The following TMEM150C variants were observed in gnomAD, a reference collection of about 807,000 sequenced individuals.
The protein encoded by TMEM150C is tentonin 3.
In TMEM150C, 10 loss-of-function variants were observed where a neutral mutation model predicts 29.9. The observed-to-expected ratio is 0.33, with a 90% CI of 0.21 to 0.57. The LOEUF (loss-of-function observed/expected upper bound fraction) is 0.57. TMEM150C is among the 20% of genes least tolerant of loss of function. The pLI is 0.88. For missense variants in TMEM150C, 251 were observed against 303.6 expected, an observed-to-expected ratio of 0.83 and a Z score of 1.29; for synonymous variants, 101 against 112.5, an observed-to-expected ratio of 0.90 and a Z score of 0.64.
chr4:82,492,103 C>T (rs1404983862), intron 6 of TMEM150C, among the ~76,000 whole-genome samples: 1 of 131,252 alleles, frequency 7.6e-6, no homozygotes, highest in African/African-American at 3.4e-5. Context: ...GGTGCCTGGC[C>T]TAAATAATTG....
chr4:82,492,021 T>C (rs942428921), intron 6 of TMEM150C, among the ~76,000 whole-genome samples: 1 of 149,426 alleles, frequency 6.7e-6, no homozygotes, highest in African/African-American at 2.5e-5. Flanking sequence ...CTGCAATCTC[T>C]GTTTCCTGGG....
intron 7 of TMEM150C, among the ~76,000 whole-genome samples, chr4:82,487,925 A>G (rs748334431): frequency 2.6e-5 from 4 of 151,412 alleles, no homozygotes; most frequent in Non-Finnish European, 4.4e-5. Context: ...TGAACTTTTT[A>G]TTTATATTTA....
intron 1 of TMEM150C, among the ~76,000 whole-genome samples, chr4:82,545,514 A>C (rs368340906): frequency 1.6e-4 from 25 of 152,324 alleles, no homozygotes; most frequent in East Asian, 5.8e-4. Context: ...TACCACTCCT[A>C]TTTGACATAG....
At chr4:82,504,804 GC>G (rs1723858760) in intron 1 of TMEM150C, 137 bp from the exon 2 acceptor site, 3 of 588,902 alleles carry the variant, frequency 5.1e-6, no homozygotes, top group Non-Finnish European at 9.2e-6. Context: ...GCCGAGGTGG[GC>G]GGATCACGAG....
chr4:82,539,892 T>C (rs917901769), intron 1 of TMEM150C, among the ~76,000 whole-genome samples: 2 of 152,180 alleles, frequency 1.3e-5, no homozygotes, highest in Admixed American at 6.5e-5. Flanking sequence ...TGAATAAATG[T>C]TCCTGGAAGG....
At chr4:82,488,397 T>C (rs1374661840) in intron 7 of TMEM150C, among the ~76,000 whole-genome samples, 3 of 152,234 alleles carry the variant, frequency 2.0e-5, no homozygotes, top group Non-Finnish European at 4.4e-5. Context: ...TCTCCATGAT[T>C]CACTGTTCTT....
Position 82,496,117 on chromosome 4 carries a change from A to G in TMEM150C, c.314T>C (p.Val105Ala). Residue 105 changes from valine (V) to alanine (A), a missense_variant, in exon 6 of 8, where the codon GTG (valine) becomes GCG (alanine). By Grantham distance (64) the Val-to-Ala change is moderately conservative. Coordinates refer to ENST00000449862, the MANE Select transcript of TMEM150C (RefSeq NM_001080506.3). ...TCCGAAGGAAGCCAGACACAGAGCC[A>G]CCAATCCACTAATATTCAGCCACGG... ...LNPWLNISGL[V>A]ALCLASFGMT... is the part of the protein sequence containing the mutation. The G allele has an allele frequency of 6.2e-7, 1 of 1,614,004 alleles. No individual in the cohort carries two copies. Among genetic ancestry groups the G allele is most frequent in the African/African-American group, 1.3e-5 (1 of 75,058 alleles).
In TMEM150C at chr4:82,490,120, C is replaced by T. The variant is rs372712909; in HGVS notation, c.482G>A (p.Arg161Gln). 1,574 of 1,613,994 alleles carry T rather than the reference C, an allele frequency of 9.8e-4. 27 individuals are homozygous for T. In the South Asian group the frequency reaches 0.016, roughly 17 times the overall value. ...AATAACCCGTGGAATTCCAACTCTCCGTCCTTCATTCTTGATGTTGACCTT... is the reference window on the plus strand; with the variant it reads ...AATAACCCGTGGAATTCCAACTCTCTGTCCTTCATTCTTGATGTTGACCTT... ...TLKVNIKNEG[R>Q]RVGIPRVILS... Residue 161 changes from arginine to glutamine, a missense_variant, in exon 7 of 8, where the codon CGG becomes CAG. Coordinates refer to ENST00000449862, the MANE Select transcript of TMEM150C (RefSeq NM_001080506.3).
At chr4:82,561,000 A>G (rs147614611) in intron 1 of TMEM150C, among the ~76,000 whole-genome samples, 3 of 152,324 alleles carry the variant, frequency 2.0e-5, no homozygotes, top group Non-Finnish European at 4.4e-5. Flanking sequence ...TCCTGGCCCA[A>G]CCGTGAAAGG....
chr4:82,491,025 G>A (rs1723326102), intron 6 of TMEM150C: 2 of 736,826 alleles, frequency 2.7e-6, no homozygotes, highest in Non-Finnish European at 2.5e-6. Context: ...GACAACAGTG[G>A]TGCAGGTCTT....
chr4:82,522,207 T>G (rs904145076), intron 1 of TMEM150C, among the ~76,000 whole-genome samples: 1 of 152,198 alleles, frequency 6.6e-6, no homozygotes, highest in Non-Finnish European at 1.5e-5. Context: ...TTGGGAGTCC[T>G]CTGGTCTGAA....
At chr4:82,544,742 A>C (rs1372294391) in intron 1 of TMEM150C, among the ~76,000 whole-genome samples, 1 of 143,556 alleles carries the variant, frequency 7.0e-6, no homozygotes, top group African/African-American at 2.8e-5. Flanking sequence ...TTGCACCACT[A>C]TATTCCAGCC....
intron 1 of TMEM150C, among the ~76,000 whole-genome samples, chr4:82,531,388 A>T (rs1367140497): frequency 1.3e-5 from 2 of 152,140 alleles, no homozygotes; most frequent in African/African-American, 4.8e-5. Flanking sequence ...TGGACTATGT[A>T]GAATGGGAAG....
intron 1 of TMEM150C, among the ~76,000 whole-genome samples, chr4:82,507,978 G>A (rs899304833): frequency 2.0e-5 from 3 of 151,754 alleles, no homozygotes; most frequent in Admixed American, 1.3e-4. Flanking sequence ...GAACTCCTGA[G>A]CTCAAATGAT....
At position 82,485,492 on chromosome 4, in the gene TMEM150C, G is replaced by T. The variant is rs1723129971; in HGVS notation, c.*19C>A. On this transcript the variant is annotated 3_prime_UTR_variant, in exon 8 of 8. Transcript: ENST00000449862. ...CCCCACTGTCACACCCACCTCACCA[G>T]CAAGGAAAAACTGATGGTTTACACC... 1.3e-6 allele frequency: 2 copies of T among 1,573,320 alleles called. No individual in the cohort carries two copies. Among genetic ancestry groups the T allele is most frequent in the Non-Finnish European group, 1.7e-6 (2 of 1,157,750 alleles).
At chr4:82,507,723 CTCTCTTTTTTTTTTTTTTTTTTTTTT>C (rs1363947396) in intron 1 of TMEM150C, among the ~76,000 whole-genome samples, 7 of 86,054 alleles carry the variant, frequency 8.1e-5, no homozygotes, top group South Asian at 4.2e-4. Flanking sequence ...CTCTCTCTCT[CTCTCTTTTTTTTTTTTTTTTTTTTTT>C]TTTTTTTTTT....
At chr4:82,536,624 C>T (rs915785752) in intron 1 of TMEM150C, among the ~76,000 whole-genome samples, 1 of 151,990 alleles carries the variant, frequency 6.6e-6, no homozygotes, top group Admixed American at 6.6e-5. Flanking sequence ...TGCCTGTAGT[C>T]CCAGCTCCTC....
chr4:82,500,195 C>T (rs1477272918), intron 5 of TMEM150C, among the ~76,000 whole-genome samples: 1 of 152,206 alleles, frequency 6.6e-6, no homozygotes, highest in African/African-American at 2.4e-5. Context: ...AATATCTTTG[C>T]TAATTTTAAT....
At chr4:82,536,281 C>A (rs933738249) in intron 1 of TMEM150C, among the ~76,000 whole-genome samples, 8 of 150,764 alleles carry the variant, frequency 5.3e-5, no homozygotes, top group Admixed American at 1.3e-4. Context: ...TCGCTTGAAC[C>A]CGGGAGGCGG....
Sources: gnomAD v4.1 joint callset for allele counts (sites outside exome capture counted in the v4.1 genomes callset) on GRCh38, gnomAD v4.1.1 for gene constraint, MANE v1.5 for transcripts, NCBI Gene and HGNC (gene_info 2026-07-23, HGNC 2026-07-21) for gene names.